The following TEX36 variants were observed in gnomAD, a reference collection of about 807,000 sequenced individuals.
TEX36 encodes testis expressed 36, also known as testis-expressed protein 36.
A neutral mutation model predicts 13.6 loss-of-function variants in TEX36; 12 were observed. The observed-to-expected ratio is 0.88, with a 90% CI of 0.56 to 1.43. The LOEUF (loss-of-function observed/expected upper bound fraction) is 1.43, where lower values mean the gene tolerates loss of function less well. TEX36 is among the 40% of genes most tolerant of loss of function. The pLI, the probability that TEX36 is intolerant of heterozygous loss-of-function variation, is 0.00. For synonymous variants in TEX36, 93 were observed against 83.0 expected (o/e 1.12, Z -0.65); for missense variants, 224 against 228.3 (o/e 0.98, Z 0.12).
intron 3 of TEX36, among the ~76,000 whole-genome samples, chr10:125,629,086 A>C (rs146057271): frequency 6.6e-6 from 1 of 152,268 alleles, no homozygotes; most frequent in Admixed American, 6.5e-5. Flanking sequence ...TGTAGTTCGG[A>C]ATTTGTGCAG....
At chr10:125,605,000 T>C (rs1004593280) in intron 3 of TEX36, among the ~76,000 whole-genome samples, 3 of 152,184 alleles carry the variant, frequency 2.0e-5, no homozygotes, top group African/African-American at 7.2e-5. Flanking sequence ...GCACAATAAA[T>C]GGAACGTGCT....
intron 3 of TEX36, among the ~76,000 whole-genome samples, chr10:125,624,852 G>A (rs560448085): frequency 5.9e-5 from 9 of 152,192 alleles, no homozygotes; most frequent in Non-Finnish European, 1.3e-4. Flanking sequence ...AGCCACCTAA[G>A]AACAAGCCAT....
chr10:125,626,668 G>C lies in TEX36; in HGVS notation c.265-5023C>G, dbSNP rs760095819. On this transcript the variant is annotated intron_variant, in intron 3 of 3. Transcript: ENST00000526819. The stretch of plus-strand genomic sequence containing the variant: ...GAGCAGACACAGAGGCCATGAAGTG[G>C]GGAGAAGGAGGGCAATCAGGGAGGG... 1.3e-3 allele frequency among the ~76,000 whole-genome samples: 200 copies of C among 152,310 alleles called. 3 individuals carry two copies. Among genetic ancestry groups the C allele is most frequent in the Non-Finnish European group, 1.8e-4 (12 of 68,032 alleles).
chr10:125,667,782 G>A (rs541108614), intron 1 of TEX36: 13 of 972,584 alleles, frequency 1.3e-5, no homozygotes, highest in East Asian at 4.8e-5. Context: ...CAGTAGAAGC[G>A]CCAGTTCTCT....
intron 3 of TEX36, among the ~76,000 whole-genome samples, chr10:125,579,099 T>A (rs1845857033): frequency 6.6e-6 from 1 of 152,216 alleles, no homozygotes; most frequent in Non-Finnish European, 1.5e-5. Context: ...GAGGCTTCCC[T>A]GAATAACTTC....
chr10:125,627,772 T>C (rs1006689538), intron 3 of TEX36, among the ~76,000 whole-genome samples: 1 of 152,234 alleles, frequency 6.6e-6, no homozygotes, highest in Non-Finnish European at 1.5e-5. Context: ...GCGTGAGTCC[T>C]TGGGACACCA....
At chr10:125,612,372 T>C (rs1292762150) in intron 3 of TEX36, among the ~76,000 whole-genome samples, 1 of 152,030 alleles carries the variant, frequency 6.6e-6, no homozygotes, top group Non-Finnish European at 1.5e-5. Context: ...GTGTGAGCCA[T>C]CGAACCCCAG....
chr10:125,626,319 C>G (rs1027828441), intron 3 of TEX36, among the ~76,000 whole-genome samples: 2 of 152,152 alleles, frequency 1.3e-5, no homozygotes, highest in African/African-American at 4.8e-5. Context: ...CCTTCACTTT[C>G]CACAGAGGGT....
At chr10:125,609,172 A>C (rs955210259) in intron 3 of TEX36, among the ~76,000 whole-genome samples, 16 of 151,476 alleles carry the variant, frequency 1.1e-4, no homozygotes, top group Admixed American at 2.0e-4. Flanking sequence ...AACAAAACAA[A>C]AAAAAAAAAA....
chr10:125,657,813 A>G (rs569925284), intron 3 of TEX36, among the ~76,000 whole-genome samples: 2 of 152,212 alleles, frequency 1.3e-5, no homozygotes, highest in Non-Finnish European at 1.5e-5. Context: ...ACAGGAAGTG[A>G]GTGAGATAAA....
At chr10:125,593,488 T>A (rs554297024) in intron 3 of TEX36, among the ~76,000 whole-genome samples, 1 of 152,286 alleles carries the variant, frequency 6.6e-6, no homozygotes, top group African/African-American at 2.4e-5. Context: ...GGTAATAAAG[T>A]CTTCGGTGCT....
At chr10:125,647,857 T>A (rs1846794896) in intron 3 of TEX36, among the ~76,000 whole-genome samples, 1 of 152,182 alleles carries the variant, frequency 6.6e-6, no homozygotes, top group South Asian at 2.1e-4. Flanking sequence ...GGAGATTATA[T>A]CCCGCGCCTG....
At chr10:125,665,624 T>A (rs752706714) in intron 1 of TEX36, among the ~76,000 whole-genome samples, 1 of 152,204 alleles carries the variant, frequency 6.6e-6, no homozygotes, top group African/African-American at 2.4e-5. Flanking sequence ...TTGGTTACTA[T>A]AGTCTTGTAA....
At chr10:125,604,079 CG>C (rs1436029072) in intron 3 of TEX36, among the ~76,000 whole-genome samples, 1 of 152,040 alleles carries the variant, frequency 6.6e-6, no homozygotes, top group Non-Finnish European at 1.5e-5. Flanking sequence ...GTTGATAAGT[CG>C]GGGAGGAGTC....
At chr10:125,677,514 T>C (rs1267019697) in intron 1 of TEX36, among the ~76,000 whole-genome samples, 1 of 152,166 alleles carries the variant, frequency 6.6e-6, no homozygotes, top group Non-Finnish European at 1.5e-5. Flanking sequence ...ATTTTGTATT[T>C]CCTTCCATGA....
At position 125,597,370 on chromosome 10, in the gene TEX36, C is replaced by T. The variant is rs538349504; in HGVS notation, c.265-20496G>A. Among the ~76,000 whole-genome samples the T allele has an allele frequency of 2.0e-5, 3 of 152,278 alleles. No individual in the cohort carries two copies. The East Asian group carries it at 5.8e-4, about 29-fold the overall frequency. Reference sequence around the variant, plus strand: ...AAAAAAACACTCACATGGGCATTTGCAGCAAGAGAAAGTGAGGCATTTATT... The same window carrying T: ...AAAAAAACACTCACATGGGCATTTGTAGCAAGAGAAAGTGAGGCATTTATT... On this transcript the variant is annotated intron_variant, in intron 3 of 3. Coordinates refer to the TEX36 transcript ENST00000532135.
intron 3 of TEX36, among the ~76,000 whole-genome samples, chr10:125,627,010 C>G (rs1846497997): frequency 6.6e-6 from 1 of 152,162 alleles, no homozygotes; most frequent in South Asian, 2.1e-4. Flanking sequence ...GAAAGAATAA[C>G]AGGATCTTGG....
chr10:125,622,037 A>G (rs984491306), intron 3 of TEX36, among the ~76,000 whole-genome samples: 1 of 152,156 alleles, frequency 6.6e-6, no homozygotes, highest in African/African-American at 2.4e-5. Context: ...CCAAGAAACA[A>G]TACTCTACCA....
At chr10:125,610,387 T>C (rs1846274705) in intron 3 of TEX36, among the ~76,000 whole-genome samples, 1 of 152,136 alleles carries the variant, frequency 6.6e-6, no homozygotes, top group Admixed American at 6.5e-5. Context: ...GTTCTGTATA[T>C]CCTGCCGTTT....
Sources: gnomAD v4.1 joint callset for allele counts (sites outside exome capture counted in the v4.1 genomes callset) on GRCh38, gnomAD v4.1.1 for gene constraint, MANE v1.5 for transcripts, NCBI Gene and HGNC (gene_info 2026-07-23, HGNC 2026-07-21) for gene names.